Variants in MAF observed in about 807,000 individuals in gnomAD.
MAF encodes MAF bZIP transcription factor, also known as transcription factor Maf.
Under a neutral mutation model 22.0 loss-of-function variants are expected in MAF, and 10 were observed. The ratio of observed to expected loss-of-function variants is 0.45; its 90% CI spans 0.28 to 0.77. MAF has a LOEUF of 0.77. Among genes scored for constraint, MAF ranks in the 30% least tolerant of loss-of-function variants. The pLI is 0.12. For synonymous variants in MAF, 337 were observed against 255.8 expected, an observed-to-expected ratio of 1.32 and a Z score of -3.03; for missense variants, 544 against 548.4, an observed-to-expected ratio of 0.99 and a Z score of 0.08.
chr16:79,565,343 A>T, the MAF span, among the ~76,000 whole-genome samples: 9 of 152,214 alleles, frequency 5.9e-5, no homozygotes, highest in African/African-American at 2.2e-4. Flanking sequence ...GGCCCTTGAA[A>T]CCTAAATGAT....
In MAF at chr16:79,594,242, C is replaced by A; in HGVS notation, c.*218G>T. On this transcript the variant is annotated 3_prime_UTR_variant, in exon 2 of 2. Coordinates refer to ENST00000326043, the MANE Select transcript of MAF (RefSeq NM_005360.5). ...AATGCACCTGTTTACTTGCACACAC[C>A]ATAAATCGAAAAGCAGGAGTGCGCT... 1 of 549,036 alleles carries A rather than the reference C, an allele frequency of 1.8e-6. No individual in the cohort carries two copies. The highest frequency in any genetic ancestry group is 3.2e-6 in the Non-Finnish European group (1 of 308,348). 34.0% of individuals were successfully genotyped at this position (549,036 alleles called of 1,614,324 possible). A position where few individuals can be genotyped will look rare whatever the true frequency, so the allele number is the denominator to read the frequency against.
chr16:79,334,612 G>C, the MAF span, among the ~76,000 whole-genome samples: 1 of 152,124 alleles, frequency 6.6e-6, no homozygotes, highest in Non-Finnish European at 1.5e-5. Context: ...AAAATTCTTA[G>C]GACTTTCAGG....
the MAF span, among the ~76,000 whole-genome samples, chr16:79,385,668 C>T: frequency 1.3e-5 from 2 of 151,946 alleles, no homozygotes; most frequent in Non-Finnish European, 2.9e-5. Context: ...TGGGAGGCTG[C>T]GGCAGGTGGA....
chr16:79,323,632 C>G, the MAF span, among the ~76,000 whole-genome samples: 4 of 152,168 alleles, frequency 2.6e-5, no homozygotes, highest in Non-Finnish European at 2.9e-5. Context: ...GGGACCGTAC[C>G]TTGCGGCAAG....
chr16:79,245,779 T>G, the MAF span, among the ~76,000 whole-genome samples: 1 of 152,016 alleles, frequency 6.6e-6, no homozygotes, highest in Non-Finnish European at 1.5e-5. Flanking sequence ...GCAGCTCTAT[T>G]CACAATAGCA....
chr16:79,263,948 T>A, the MAF span, among the ~76,000 whole-genome samples: 1 of 152,180 alleles, frequency 6.6e-6, no homozygotes, highest in African/African-American at 2.4e-5. Context: ...GGTGGCTAGA[T>A]GTTTGTTTTA....
the MAF span, among the ~76,000 whole-genome samples, chr16:79,249,686 T>A: frequency 6.6e-6 from 1 of 152,142 alleles, no homozygotes; most frequent in Non-Finnish European, 1.5e-5. Context: ...TCTCCCTAAT[T>A]TCTTAGAAGT....
the MAF span, among the ~76,000 whole-genome samples, chr16:79,573,839 C>T: frequency 6.6e-6 from 1 of 152,162 alleles, no homozygotes; most frequent in African/African-American, 2.4e-5. Flanking sequence ...GGCTAGGGGT[C>T]TTTTGAAAAC....
chr16:79,505,382 G>A, the MAF span, among the ~76,000 whole-genome samples: 3 of 152,134 alleles, frequency 2.0e-5, no homozygotes, highest in African/African-American at 4.8e-5. Context: ...TATTTTGTGA[G>A]GCTGGTTTGT....
At chr16:79,550,738 T>C in the MAF span, among the ~76,000 whole-genome samples, 1 of 151,984 alleles carries the variant, frequency 6.6e-6, no homozygotes, top group Non-Finnish European at 1.5e-5. Flanking sequence ...TTTTGCACCA[T>C]CTAATCTGTG....
At chr16:79,416,143 C>A in the MAF span, among the ~76,000 whole-genome samples, 2 of 152,108 alleles carry the variant, frequency 1.3e-5, no homozygotes, top group Admixed American at 6.5e-5. Flanking sequence ...ACCCGCGGCA[C>A]AGGATGGAAG....
the MAF span, among the ~76,000 whole-genome samples, chr16:79,526,523 G>C: frequency 6.6e-6 from 1 of 152,166 alleles, no homozygotes; most frequent in Non-Finnish European, 1.5e-5. Flanking sequence ...CACTTCCCTA[G>C]ACAATATGCA....
At chr16:79,268,868 G>C in the MAF span, among the ~76,000 whole-genome samples, 1 of 152,162 alleles carries the variant, frequency 6.6e-6, no homozygotes, top group Non-Finnish European at 1.5e-5. Context: ...TGACTTACCA[G>C]TGGTATAGCC....
chr16:79,249,864 T>A, the MAF span, among the ~76,000 whole-genome samples: 1 of 152,126 alleles, frequency 6.6e-6, no homozygotes, highest in Non-Finnish European at 1.5e-5. Context: ...ATTCCTTGAG[T>A]CTGTAACATA....
chr16:79,241,084 G>T, the MAF span, among the ~76,000 whole-genome samples: 1 of 152,234 alleles, frequency 6.6e-6, no homozygotes, highest in Admixed American at 6.5e-5. Context: ...AAGATGGGGA[G>T]AAATCAGCGC....
the MAF span, among the ~76,000 whole-genome samples, chr16:79,296,961 A>G: frequency 2.6e-5 from 4 of 152,170 alleles, no homozygotes; most frequent in South Asian, 2.1e-4. Context: ...AAATCCCCCT[A>G]TGGAATAAAT....
chr16:79,436,267 G>A, the MAF span, among the ~76,000 whole-genome samples: 1 of 152,104 alleles, frequency 6.6e-6, no homozygotes, highest in African/African-American at 2.4e-5. Flanking sequence ...ATTTTTAGTA[G>A]GGATGAGGTT....
chr16:79,353,279 C>T, the MAF span, among the ~76,000 whole-genome samples: 5 of 152,132 alleles, frequency 3.3e-5, no homozygotes, highest in African/African-American at 1.2e-4. Flanking sequence ...CAATGGCCTA[C>T]AACCACACCT....
chr16:79,347,906 G>C, the MAF span, among the ~76,000 whole-genome samples: 2 of 152,292 alleles, frequency 1.3e-5, no homozygotes, highest in East Asian at 3.9e-4. Context: ...GTGGAAGAAA[G>C]GGATGTGTGT....
Sources: allele counts gnomAD v4.1 joint callset (sites outside exome capture counted in the v4.1 genomes callset), GRCh38; gene constraint gnomAD v4.1.1; transcripts MANE v1.5; gene names NCBI Gene and HGNC (gene_info 2026-07-23, HGNC 2026-07-21).